Variants in C4orf54 observed in about 807,000 individuals in gnomAD.
C4orf54 encodes uncharacterized protein C4orf54.
In C4orf54, 67 loss-of-function variants were observed where a neutral mutation model predicts 80.1. The ratio of observed to expected loss-of-function variants is 0.84; its 90% confidence interval spans 0.69 to 1.03. The LOEUF is 1.03. C4orf54 is among the 50% of genes least tolerant of loss of function. The pLI is 0.00. For synonymous variants in C4orf54, 1,000 were observed against 917.0 expected (o/e 1.09, Z -1.64); for missense variants, 2,434 against 2,253.5 (o/e 1.08, Z -1.62).
At position 99,649,751 on chromosome 4, in the gene C4orf54, C is replaced by A. The variant is rs1339293634; in HGVS notation, c.4898G>T (p.Arg1633Leu). ...LVDTPVQPMT[R>L]RLFDPETGQY... ...CCCTGTCTCAGGGTCAAACAGTCTC[C>A]GGGTCATGGGCTGTACTGGTGTGTC... Residue 1633 changes from arginine to leucine, a missense_variant, in exon 2 of 3, where the codon CGG becomes CTG. Physicochemically the swap from Arg to Leu is moderately radical, Grantham distance 102 (BLOSUM62 -2). Coordinates refer to ENST00000511828, the MANE Select transcript of C4orf54 (RefSeq NM_001354435.2). 1 of 1,536,058 alleles carries A rather than the reference C, an allele frequency of 6.5e-7. No homozygotes were observed. The highest frequency in any genetic ancestry group is 2.0e-5 in the Admixed American group (1 of 50,978).
rs1726569482 is a variant in C4orf54, at chr4:99,639,552, A to G, written c.*1681T>C. 4 of 152,120 alleles carry G rather than the reference A, an allele frequency of 2.6e-5. 1 individual carries two copies. The South Asian group carries it at 8.3e-4, about 32-fold the overall frequency. 9.4% of individuals were successfully genotyped at this position (152,120 alleles called of 1,614,324 possible). A position where few individuals can be genotyped will look rare whatever the true frequency, so the allele number is the denominator to read the frequency against. On this transcript the variant is annotated 3_prime_UTR_variant, in exon 3 of 3. Transcript: ENST00000511828. Reference sequence around the variant, plus strand: ...CTATGTTTCATATTTCATGTCTCATAAAGTCTATAGCTTCATTTCATAGCT... The same window carrying G: ...CTATGTTTCATATTTCATGTCTCATGAAGTCTATAGCTTCATTTCATAGCT...
chr4:99,650,528 G>A lies in C4orf54; in HGVS notation c.4121C>T (p.Pro1374Leu), dbSNP rs868663673. Residue 1374 changes from proline to leucine, a missense_variant, in exon 2 of 3, where the codon CCA (proline) becomes CTA (leucine). Physicochemically the swap from Pro to Leu is moderately conservative, Grantham distance 98. Transcript: ENST00000511828. ...GGTTCTCTCTACATCCTTGTGGACTGGGGGAATATAGAGAGATCGGGGTCT... is the reference window on the plus strand; with the variant it reads ...GGTTCTCTCTACATCCTTGTGGACTAGGGGAATATAGAGAGATCGGGGTCT... ...RERPRSLYIP[P>L]VHKDVERTQP... 3 of 1,535,990 alleles carry A rather than the reference G, an allele frequency of 2.0e-6. No homozygotes were observed. The African/African-American group carries it at 4.1e-5, about 21-fold the overall frequency.
rs1578274349 is a variant in C4orf54 at position 99,651,536 on chromosome 4, T to A, written c.3113A>T (p.Gln1038Leu). Residue 1038 changes from glutamine to leucine, a missense_variant, in exon 2 of 3, where the codon CAG becomes CTG. Physicochemically the swap from Gln to Leu is moderately radical, Grantham distance 113. Coordinates refer to ENST00000511828, the MANE Select transcript of C4orf54 (RefSeq NM_001354435.2). ...EIKIRLGSVQQPSSDFNIAKL... is the reference protein window; with the variant it reads ...EIKIRLGSVQLPSSDFNIAKL... The stretch of plus-strand genomic sequence containing the variant: ...GGCAATGTTGAAGTCTGAGCTCGGC[T>A]GCTGCACACTCCCCAGCCGGATCTT... 6.5e-7 allele frequency: 1 copy of A among 1,536,088 alleles called. No homozygotes were observed. Among genetic ancestry groups the A allele is most frequent in the Admixed American group, 2.0e-5 (1 of 50,986 alleles).
Position 99,651,246 on chromosome 4 carries a change from G to T in C4orf54, c.3403C>A (p.Pro1135Thr). The T allele has an allele frequency of 1.3e-6, 2 of 1,536,146 alleles. No individual in the cohort carries two copies. Residue 1135 changes from proline to threonine, a missense_variant, in exon 2 of 3, where the codon CCC becomes ACC. By Grantham distance (38) the Pro-to-Thr change is conservative. Coordinates refer to ENST00000511828, the MANE Select transcript of C4orf54 (RefSeq NM_001354435.2). ...CCAGCTGCTGCAGACAGCTGCCTGG[G>T]TTTGGGTCCAGTCAGCCCCTGCTCT... ...TPEQGLTGPK[P>T]RQLSAAAGGS... is the part of the protein sequence containing the mutation.
At position 99,649,658 on chromosome 4, in the gene C4orf54, G is replaced by A. The variant is rs866829024; in HGVS notation, c.4991C>T (p.Pro1664Leu). ...ATAAGCCCCAGGACTCAGGGCCAAGGGAGGCACAGAGATGGACATGGGAGC... is the reference window on the plus strand; with the variant it reads ...ATAAGCCCCAGGACTCAGGGCCAAGAGAGGCACAGAGATGGACATGGGAGC... ...AVAPMSISVPPLALSPGAYGP... is the reference protein window; with the variant it reads ...AVAPMSISVPLLALSPGAYGP... The change falls in exon 2 of 3, where the codon CCC (proline) becomes CTC (leucine). Residue 1664 changes from proline (P) to leucine (L), a missense_variant. Pro to Leu is a moderately conservative substitution (Grantham distance 98). Coordinates refer to ENST00000511828, the MANE Select transcript of C4orf54 (RefSeq NM_001354435.2). The A allele has an allele frequency of 2.0e-6, 3 of 1,536,018 alleles. No individual in the cohort carries two copies. Among genetic ancestry groups the A allele is most frequent in the African/African-American group, 1.4e-5 (1 of 73,032 alleles).
At chr4:99,649,104 T>C in intron 2 of C4orf54, 127 bp downstream of exon 2, 2 of 953,562 alleles carry the variant, frequency 2.1e-6, no homozygotes, top group African/African-American at 1.7e-5. Context: ...GCAGTTTTGT[T>C]CTATTCTCTC....
In C4orf54 at chr4:99,653,505, T is replaced by A. The variant is rs1356218178; in HGVS notation, c.1144A>T (p.Met382Leu). The part of the protein sequence containing the change: ...EIQLSEVEQD[M>L]DFDVGLASRW... ...GAGGCCAGTCCCACGTCGAAATCCA[T>A]GTCCTGTTCCACCTCACTCAGCTGG... The change falls in exon 2 of 3, where the codon ATG (methionine) becomes TTG (leucine). Residue 382 changes from methionine to leucine, a missense_variant. Transcript: ENST00000511828. 6.5e-7 allele frequency: 1 copy of A among 1,536,084 alleles called. No homozygotes were observed. Among genetic ancestry groups the A allele is most frequent in the East Asian group, 2.4e-5 (1 of 40,918 alleles).
At chr4:99,643,238 A>G (rs1402870219) in intron 2 of C4orf54, among the ~76,000 whole-genome samples, 1 of 152,190 alleles carries the variant, frequency 6.6e-6, no homozygotes, top group Non-Finnish European at 1.5e-5. Context: ...TTTATAATTC[A>G]GTCTTCACTA....
At position 99,654,284 on chromosome 4, in the gene C4orf54, C is replaced by G. The variant is rs1450419272; in HGVS notation, c.365G>C (p.Arg122Pro). The G allele has an allele frequency of 4.6e-6, 7 of 1,535,052 alleles. No individual in the cohort carries two copies. The highest frequency in any genetic ancestry group is 3.3e-4 in the Middle Eastern group (2 of 6,012). ...GTGATCGCTGGGGAAGTCTTGGGTC[C>G]GTCTCTGGCCCCGGAGGGGCTGCAG... ...ATLQPLRGQR[R>P]TQDFPSDHHC... Residue 122 changes from arginine to proline, a missense_variant, in exon 2 of 3, where the codon CGG becomes CCG. By Grantham distance (103) the Arg-to-Pro change is moderately radical (BLOSUM62 -2). Transcript: ENST00000511828.
Position 99,649,248 on chromosome 4 carries a change from G to T in C4orf54, c.*19C>A. On this transcript the variant is annotated 3_prime_UTR_variant, in exon 2 of 3. Transcript: ENST00000511828. ...TCACTTACCAGCAGTTTTTCATTCC[G>T]CTTCCTGGTGGCTGCTCATCATCTG... 2 of 1,480,144 alleles carry T rather than the reference G, an allele frequency of 1.4e-6. No individual in the cohort carries two copies. Among genetic ancestry groups the T allele is most frequent in the South Asian group, 1.3e-5 (1 of 75,878 alleles). 91.7% of individuals were successfully genotyped at this position (1,480,144 alleles called of 1,614,324 possible). A position where few individuals can be genotyped will look rare whatever the true frequency, so the allele number is the denominator to read the frequency against.
chr4:99,651,568 G>C lies in C4orf54; in HGVS notation c.3081C>G (p.Pro1027=), dbSNP rs1389828287. ...TSTAVIRPKA[P]EIKIRLGSVQ... ...CACTCCCCAGCCGGATCTTGATTTC[G>C]GGAGCCTTGGGTCTGATCACCGCTG... Residue 1027 remains proline, a synonymous_variant, in exon 2 of 3, where the codon CCC becomes CCG. Transcript: ENST00000511828. The C allele has an allele frequency of 2.6e-6, 4 of 1,536,068 alleles. No individual in the cohort carries two copies. The highest frequency in any genetic ancestry group is 2.6e-6 in the Non-Finnish European group (3 of 1,146,896).
chr4:99,650,945 A>T lies in C4orf54; in HGVS notation c.3704T>A (p.Leu1235His). ...KASTQKTPEK[L>H]KEEEVKEEGK... ...TTCCTCCTTGACCTCCTCCTCCTTGAGCTTCTCTGGGGTCTTCTGGGTGGA... is the reference window on the plus strand; with the variant it reads ...TTCCTCCTTGACCTCCTCCTCCTTGTGCTTCTCTGGGGTCTTCTGGGTGGA... Residue 1235 changes from leucine (L) to histidine (H), a missense_variant, in exon 2 of 3, where the codon CTC becomes CAC. Transcript: ENST00000511828. 7.2e-6 allele frequency: 11 copies of T among 1,534,790 alleles called. No homozygotes were observed. Among genetic ancestry groups the T allele is most frequent in the Non-Finnish European group, 9.6e-6 (11 of 1,146,620 alleles).
Position 99,649,616 on chromosome 4 carries a change from A to T in C4orf54, c.5033T>A (p.Ile1678Asn). The T allele has an allele frequency of 6.5e-7, 1 of 1,536,108 alleles. No individual in the cohort carries two copies. Among genetic ancestry groups the T allele is most frequent in the Non-Finnish European group, 8.7e-7 (1 of 1,146,884 alleles). Residue 1678 changes from isoleucine (I) to asparagine (N), a missense_variant, in exon 2 of 3, where the codon ATT becomes AAT. Transcript: ENST00000511828. ...CACGGTAGGCAGAAACCCAGGGTAAATCATGTAGGTGGGTCCATAAGCCCC... is the reference window on the plus strand; with the variant it reads ...CACGGTAGGCAGAAACCCAGGGTAATTCATGTAGGTGGGTCCATAAGCCCC... The part of the protein sequence containing the change: ...SPGAYGPTYM[I>N]YPGFLPTVLP...
In C4orf54 at chr4:99,654,622, G is replaced by A; in HGVS notation, c.27C>T (p.Ser9=). 2 of 695,556 alleles carry A rather than the reference G, an allele frequency of 2.9e-6. No individual in the cohort carries two copies. The highest frequency in any genetic ancestry group is 2.6e-6 in the Non-Finnish European group (1 of 378,686). 43.1% of individuals were successfully genotyped at this position (695,556 alleles called of 1,614,324 possible). Reference sequence around the variant, plus strand: ...AAGCAGCATCTGTAGGTTGACCCCGGGACTTCCAGAAATGAAAGGAAAGCA... The same window carrying A: ...AAGCAGCATCTGTAGGTTGACCCCGAGACTTCCAGAAATGAAAGGAAAGCA... MLSFHFWK[S]RGQPTDAASS... The change falls in exon 2 of 3, where the codon TCC becomes TCT. Residue 9 remains serine (S), a synonymous_variant. Coordinates refer to ENST00000511828, the MANE Select transcript of C4orf54 (RefSeq NM_001354435.2).
At chr4:99,645,085 G>C (rs1367968267) in intron 2 of C4orf54, among the ~76,000 whole-genome samples, 4 of 151,840 alleles carry the variant, frequency 2.6e-5, no homozygotes, top group Non-Finnish European at 5.9e-5. Context: ...AAAAGAAAAA[G>C]ACTCTGGCAT....
intron 2 of C4orf54, among the ~76,000 whole-genome samples, chr4:99,644,881 CA>C (rs1266237322): frequency 1.6e-5 from 2 of 125,822 alleles, no homozygotes; most frequent in East Asian, 4.4e-4. Context: ...AAAAAAAAAG[CA>C]AAGGACAGAA....
rs190936357 is a variant in C4orf54, at chr4:99,654,187, C to T, written c.462G>A (p.Ser154=). The T allele has an allele frequency of 4.1e-5, 63 of 1,536,078 alleles. No individual in the cohort carries two copies. The highest frequency in any genetic ancestry group is 5.2e-5 in the Non-Finnish European group (60 of 1,146,926). Residue 154 remains serine, a synonymous_variant, in exon 2 of 3, where the codon TCG becomes TCA. Coordinates refer to ENST00000511828, the MANE Select transcript of C4orf54 (RefSeq NM_001354435.2). ...CCCCCACCTCCGCCTGTCTTGCTTT[C>T]GAATTCAGCTCAGGAGGGGCAGCTT... ...IMEAAPPELN[S]KARQAEVGDG... is the part of the protein sequence containing the mutation.
Position 99,651,624 on chromosome 4 carries a change from T to C in C4orf54, c.3025A>G (p.Thr1009Ala), listed in dbSNP as rs1367644515. ...PKDKQPRKQA[T>A]KYPAAQATST... Reference sequence around the variant, plus strand: ...GTGGCCTGAGCAGCAGGGTACTTGGTGGCCTGCTTCCTCGGCTGCTTGTCC... The same window carrying C: ...GTGGCCTGAGCAGCAGGGTACTTGGCGGCCTGCTTCCTCGGCTGCTTGTCC... The change falls in exon 2 of 3, where the codon ACC becomes GCC. Residue 1009 changes from threonine to alanine, a missense_variant. Coordinates refer to ENST00000511828, the MANE Select transcript of C4orf54 (RefSeq NM_001354435.2). 6.5e-7 allele frequency: 1 copy of C among 1,536,134 alleles called. No homozygotes were observed. Among genetic ancestry groups the C allele is most frequent in the South Asian group, 1.2e-5 (1 of 84,048 alleles).
intron 2 of C4orf54, among the ~76,000 whole-genome samples, chr4:99,643,422 T>A (rs1205428161): frequency 6.6e-6 from 1 of 152,136 alleles, no homozygotes. Flanking sequence ...GTACTTGTGA[T>A]TTAGTAAAAG....
Sources: allele counts gnomAD v4.1 joint callset (sites outside exome capture counted in the v4.1 genomes callset), GRCh38; gene constraint gnomAD v4.1.1; transcripts MANE v1.5; gene names NCBI Gene and HGNC (gene_info 2026-07-23, HGNC 2026-07-21).